The following TMEM242 variants were observed in gnomAD, a reference collection of about 807,000 sequenced individuals.
The protein encoded by TMEM242 is UPF0463 transmembrane protein C6orf35.
In TMEM242, 10 loss-of-function variants were observed where a neutral mutation model predicts 18.2. The ratio of observed to expected loss-of-function variants is 0.55; its 90% confidence interval spans 0.34 to 0.93. The LOEUF is 0.93. Ranked by LOEUF, TMEM242 falls within the 40% of genes least tolerant of loss-of-function variation. The probability of loss-of-function intolerance (pLI) is 0.02; values close to 1 mark genes in which losing one functional copy is unlikely to be tolerated. For synonymous variants in TMEM242, 57 were observed against 69.9 expected (o/e 0.81, Z 0.92); for missense variants, 186 against 175.5 (o/e 1.06, Z -0.34).
At chr6:157,301,124 C>T (rs1333446902) in intron 3 of TMEM242, among the ~76,000 whole-genome samples, 1 of 152,178 alleles carries the variant, frequency 6.6e-6, no homozygotes, top group East Asian at 1.9e-4. Context: ...ACTTTCTCCT[C>T]ACTTATAAAC....
At chr6:157,301,098 CA>C (rs1293853729) in intron 3 of TMEM242, among the ~76,000 whole-genome samples, 5 of 151,712 alleles carry the variant, frequency 3.3e-5, no homozygotes, top group Non-Finnish European at 7.4e-5. Context: ...ACAAAAGCTC[CA>C]AAAAAAATGA....
intron 3 of TMEM242, among the ~76,000 whole-genome samples, chr6:157,312,176 G>T (rs797022898): frequency 5.8e-5 from 2 of 34,610 alleles, no homozygotes; most frequent in Admixed American, 2.6e-4. Flanking sequence ...GCACTCACCC[G>T]GCCTCATCAT....
rs1351662631 is a variant in TMEM242, at chr6:157,289,626, G to A, written c.*3275C>T. ...CAAGATTTAATCTTGGAGATTAAATGTTGCCCCAAGTGAAATAGCTAAATT... is the reference window on the plus strand; with the variant it reads ...CAAGATTTAATCTTGGAGATTAAATATTGCCCCAAGTGAAATAGCTAAATT... On this transcript the variant is annotated 3_prime_UTR_variant, in exon 4 of 4. Transcript: ENST00000400788. 2.0e-5 allele frequency: 3 copies of A among 152,094 alleles called. No homozygotes were observed. The highest frequency in any genetic ancestry group is 7.2e-5 in the African/African-American group (3 of 41,414). 9.4% of individuals were successfully genotyped at this position (152,094 alleles called of 1,614,324 possible).
intron 3 of TMEM242, among the ~76,000 whole-genome samples, chr6:157,313,451 G>A (rs1013374434): frequency 1.6e-5 from 2 of 125,008 alleles, no homozygotes; most frequent in Admixed American, 8.2e-5. Context: ...GCCCCAGTCT[G>A]CGCTCACCTG....
chr6:157,298,057 A>C (rs1038830507), intron 3 of TMEM242, among the ~76,000 whole-genome samples: 1 of 152,234 alleles, frequency 6.6e-6, no homozygotes, highest in Non-Finnish European at 1.5e-5. Context: ...CAAAATGGCC[A>C]ATTTTTATGA....
chr6:157,302,397 AAAT>A (rs1777843078), intron 3 of TMEM242, among the ~76,000 whole-genome samples: 1 of 152,222 alleles, frequency 6.6e-6, no homozygotes, highest in African/African-American at 2.4e-5. Context: ...GTTGAACATG[AAAT>A]TCAAGGACAT....
intron 3 of TMEM242, among the ~76,000 whole-genome samples, chr6:157,309,018 G>A (rs1235764361): frequency 1.3e-5 from 2 of 152,208 alleles, no homozygotes; most frequent in Non-Finnish European, 2.9e-5. Context: ...CCATTGGCAG[G>A]AGACTGATTA....
intron 3 of TMEM242, among the ~76,000 whole-genome samples, chr6:157,310,226 C>A (rs1489534994): frequency 6.6e-6 from 1 of 152,146 alleles, no homozygotes; most frequent in Non-Finnish European, 1.5e-5. Flanking sequence ...ATGTAAATAA[C>A]CATGTAAACA....
chr6:157,301,321 T>C (rs1454037034), intron 3 of TMEM242, among the ~76,000 whole-genome samples: 2 of 149,452 alleles, frequency 1.3e-5, no homozygotes, highest in East Asian at 1.9e-4. Context: ...GAAAAGCTAT[T>C]ACTTTTTTTT....
At chr6:157,300,447 T>G (rs1777814752) in intron 3 of TMEM242, among the ~76,000 whole-genome samples, 1 of 152,268 alleles carries the variant, frequency 6.6e-6, no homozygotes. Flanking sequence ...TTTTCTATTT[T>G]TAGTATGAAT....
At chr6:157,313,798 C>T (rs1210764755) in intron 3 of TMEM242, among the ~76,000 whole-genome samples, 1 of 142,820 alleles carries the variant, frequency 7.0e-6, no homozygotes, top group African/African-American at 2.6e-5. Flanking sequence ...TGTGCGCTCA[C>T]GTGGCCTCAT....
At chr6:157,316,886 A>G (rs1778401500) in intron 3 of TMEM242, among the ~76,000 whole-genome samples, 1 of 152,216 alleles carries the variant, frequency 6.6e-6, no homozygotes, top group Non-Finnish European at 1.5e-5. Flanking sequence ...GTCGAAAATA[A>G]AAATAAATTT....
rs587658313 is a variant in TMEM242 at position 157,300,092 on chromosome 6, C to T, written c.328-7093G>A. On this transcript the variant is annotated intron_variant, in intron 3 of 3. Coordinates refer to ENST00000400788, the MANE Select transcript of TMEM242 (RefSeq NM_018452.6). ...ATTCGCTCCTGCCGAGCTCACTCTC[C>T]GGCTGGCCTGCACAACAGACACAGT... The T allele has an allele frequency of 1.3e-4, 88 of 682,046 alleles. No homozygotes were observed. The South Asian group carries it at 1.4e-3, about 11-fold the overall frequency. The allele number at this position is 682,046 out of a possible 1,614,324, so 42.2% of individuals were successfully genotyped here. A position where few individuals can be genotyped will look rare whatever the true frequency, so the allele number is the denominator to read the frequency against.
chr6:157,309,297 C>T (rs188542557), intron 3 of TMEM242, among the ~76,000 whole-genome samples: 2 of 151,730 alleles, frequency 1.3e-5, no homozygotes, highest in Non-Finnish European at 2.9e-5. Context: ...TTTTTTTAAA[C>T]GAGTACATAT....
intron 3 of TMEM242, among the ~76,000 whole-genome samples, chr6:157,303,841 G>A (rs1264162166): frequency 6.6e-6 from 1 of 151,780 alleles, no homozygotes; most frequent in Non-Finnish European, 1.5e-5. Flanking sequence ...CGGGGGGAGG[G>A]GGGGGTCTCT....
chr6:157,313,189 CGG>C (rs1778251555), intron 3 of TMEM242, among the ~76,000 whole-genome samples: 1 of 4,308 alleles, frequency 2.3e-4, no homozygotes, highest in Non-Finnish European at 5.5e-4. Flanking sequence ...TGCGCTCACC[CGG>C]CCTCATCATA....
intron 3 of TMEM242, among the ~76,000 whole-genome samples, chr6:157,311,220 A>G (rs1158829831): frequency 9.3e-6 from 1 of 107,610 alleles, no homozygotes; most frequent in African/African-American, 3.8e-5. Context: ...CTGTGCGCTC[A>G]CCTAGCCTCA....
chr6:157,318,230 T>C (rs1334598718), intron 3 of TMEM242: 2 of 152,684 alleles, frequency 1.3e-5, no homozygotes, highest in Non-Finnish European at 2.9e-5. Context: ...TGTCAATTTG[T>C]TTATTTATTC....
At chr6:157,314,551 G>C (rs1385045766) in intron 3 of TMEM242, among the ~76,000 whole-genome samples, 1 of 152,200 alleles carries the variant, frequency 6.6e-6, no homozygotes, top group Non-Finnish European at 1.5e-5. Context: ...CGTGCTTGTT[G>C]GCCAGGGTGG....
Sources: allele counts gnomAD v4.1 joint callset (sites outside exome capture counted in the v4.1 genomes callset), GRCh38; gene constraint gnomAD v4.1.1; transcripts MANE v1.5; gene names NCBI Gene and HGNC (gene_info 2026-07-23, HGNC 2026-07-21).